Variants in NCAM2 observed in about 807,000 individuals in gnomAD.
NCAM2 encodes the protein neural cell adhesion molecule 2.
Under a neutral mutation model 98.1 loss-of-function variants are expected in NCAM2, and 30 were observed. The ratio of observed to expected loss-of-function variants is 0.31; its 90% CI spans 0.23 to 0.41. The LOEUF (loss-of-function observed/expected upper bound fraction) is 0.41. Ranked by LOEUF, NCAM2 falls within the 10% of genes least tolerant of loss-of-function variation. The probability of loss-of-function intolerance (pLI) is 1.00; values close to 1 mark genes in which losing one functional copy is unlikely to be tolerated. For synonymous variants in NCAM2, 368 were observed against 342.4 expected (o/e 1.07, Z -0.83); for missense variants, 867 against 1,005.8 (o/e 0.86, Z 1.87).
chr21:21,044,148 C>T (rs1484464563), intron 1 of NCAM2, among the ~76,000 whole-genome samples: 2 of 151,954 alleles, frequency 1.3e-5, no homozygotes, highest in African/African-American at 4.8e-5. Flanking sequence ...GTCAATATAT[C>T]CTAAGGGTAT....
chr21:21,092,004 G>A (rs2066022871), intron 1 of NCAM2, among the ~76,000 whole-genome samples: 3 of 151,964 alleles, frequency 2.0e-5, no homozygotes, highest in Non-Finnish European at 4.4e-5. Flanking sequence ...CAAAGTTGGT[G>A]CTTAATAAAT....
At chr21:21,061,800 TA>T (rs1489216513) in intron 1 of NCAM2, among the ~76,000 whole-genome samples, 2 of 152,180 alleles carry the variant, frequency 1.3e-5, no homozygotes, top group Non-Finnish European at 2.9e-5. Context: ...TTAGTTATAT[TA>T]ATCTATTAAA....
intron 12 of NCAM2, among the ~76,000 whole-genome samples, chr21:21,461,104 A>T (rs1982908119): frequency 6.6e-6 from 1 of 151,890 alleles, no homozygotes; most frequent in Non-Finnish European, 1.5e-5. Context: ...CTATAGAAGG[A>T]AATGTTTAGT....
intron 10 of NCAM2, among the ~76,000 whole-genome samples, chr21:21,411,149 C>CACAT (rs1569033847): frequency 2.7e-4 from 19 of 71,372 alleles, no homozygotes; most frequent in Non-Finnish European, 5.4e-4. Context: ...TATATATATA[C>CACAT]ATATATATAT....
intron 1 of NCAM2, among the ~76,000 whole-genome samples, chr21:21,146,595 A>G (rs957976763): frequency 4.7e-5 from 7 of 147,760 alleles, no homozygotes; most frequent in African/African-American, 7.5e-5. Flanking sequence ...AAATACGTGT[A>G]TGTGTGTGTG....
At chr21:21,263,230 A>T (rs2071991213) in intron 1 of NCAM2, among the ~76,000 whole-genome samples, 1 of 152,122 alleles carries the variant, frequency 6.6e-6, no homozygotes, top group Admixed American at 6.6e-5. Context: ...CAGAGAATCA[A>T]ATCAAGAGCT....
At chr21:21,100,066 C>G (rs2066208958) in intron 1 of NCAM2, among the ~76,000 whole-genome samples, 1 of 151,796 alleles carries the variant, frequency 6.6e-6, no homozygotes, top group Admixed American at 6.6e-5. Context: ...AGGAAAAGGC[C>G]TACATAGCCA....
chr21:21,097,166 A>C (rs1442726936), intron 1 of NCAM2, among the ~76,000 whole-genome samples: 1 of 151,782 alleles, frequency 6.6e-6, no homozygotes, highest in Non-Finnish European at 1.5e-5. Flanking sequence ...TCCCTTCTGC[A>C]CGTGAATTGA....
chr21:21,330,328 G>A lies in NCAM2; in HGVS notation c.738-5177G>A, dbSNP rs1602000117. On this transcript the variant is annotated intron_variant, in intron 6 of 17. Coordinates refer to ENST00000400546, the MANE Select transcript of NCAM2 (RefSeq NM_004540.5). ...AATTGCACCCTGCTAATTTTGATAT[G>A]TCATATTTCCAATTTGGAGGGGTTT... 7.9e-5 allele frequency among the ~76,000 whole-genome samples: 12 copies of A among 151,942 alleles called. 1 individual carries two copies. The South Asian group carries it at 2.5e-3, about 32-fold the overall frequency.
intron 1 of NCAM2, among the ~76,000 whole-genome samples, chr21:21,146,703 C>A (rs1289872004): frequency 1.3e-5 from 2 of 151,872 alleles, no homozygotes; most frequent in African/African-American, 2.4e-5. Context: ...TTAATACCTT[C>A]GCAAGATTTC....
chr21:21,194,618 G>T (rs2068941075), intron 1 of NCAM2, among the ~76,000 whole-genome samples: 1 of 152,008 alleles, frequency 6.6e-6, no homozygotes, highest in Non-Finnish European at 1.5e-5. Context: ...TACAAAATTG[G>T]CAGCTATGGT....
At chr21:21,291,209 T>A (rs1350756283) in intron 4 of NCAM2, among the ~76,000 whole-genome samples, 2 of 151,822 alleles carry the variant, frequency 1.3e-5, no homozygotes, top group Admixed American at 1.3e-4. Context: ...GTCAATGAGA[T>A]CTATGGATGT....
At chr21:21,466,825 A>G in intron 13 of NCAM2, 100 bp downstream of exon 13, 1 of 1,211,476 alleles carries the variant, frequency 8.3e-7, no homozygotes, top group Non-Finnish European at 1.2e-6. Context: ...CACTTTTGAG[A>G]CATGAATTAT....
intron 1 of NCAM2, among the ~76,000 whole-genome samples, chr21:21,015,450 A>G (rs978792913): frequency 1.3e-5 from 2 of 152,216 alleles, no homozygotes; most frequent in African/African-American, 4.8e-5. Flanking sequence ...CTAAAGGATT[A>G]GGACCCACTG....
rs1473204018 is a variant in NCAM2 at position 21,433,624 on chromosome 21, A to T, written c.1654+1343A>T. 4.6e-5 allele frequency among the ~76,000 whole-genome samples: 7 copies of T among 151,018 alleles called. No homozygotes were observed. The South Asian group carries it at 6.3e-4, about 14-fold the overall frequency. On this transcript the variant is annotated intron_variant, in intron 12 of 17. Transcript: ENST00000400546. Reference sequence around the variant, plus strand: ...CGGATGTGGTGGCAGGCACCTGTAGACCCAGCTACTCGGGAGGCTGAGGCA... The same window carrying T: ...CGGATGTGGTGGCAGGCACCTGTAGTCCCAGCTACTCGGGAGGCTGAGGCA...
chr21:21,124,474 T>G (rs964959353), intron 1 of NCAM2, among the ~76,000 whole-genome samples: 3 of 152,118 alleles, frequency 2.0e-5, no homozygotes, highest in African/African-American at 7.2e-5. Context: ...AATAGTAAAC[T>G]TAGGTCAGCT....
intron 1 of NCAM2, among the ~76,000 whole-genome samples, chr21:21,144,674 A>C (rs1402495880): frequency 6.6e-6 from 1 of 152,072 alleles, no homozygotes; most frequent in Non-Finnish European, 1.5e-5. Flanking sequence ...AATACAAGAG[A>C]AATCCTCACC....
chr21:21,359,676 C>A (rs908341815), intron 8 of NCAM2, among the ~76,000 whole-genome samples: 1 of 151,746 alleles, frequency 6.6e-6, no homozygotes, highest in Non-Finnish European at 1.5e-5. Flanking sequence ...GGCTTTGCAG[C>A]AAAACATATA....
intron 8 of NCAM2, among the ~76,000 whole-genome samples, chr21:21,350,770 G>A (rs905373200): frequency 6.6e-6 from 1 of 151,954 alleles, no homozygotes; most frequent in Admixed American, 6.6e-5. Context: ...ACATATAAGC[G>A]TATCTATTTT....
Sources: allele counts gnomAD v4.1 joint callset (sites outside exome capture counted in the v4.1 genomes callset), GRCh38; gene constraint gnomAD v4.1.1; transcripts MANE v1.5; gene names NCBI Gene and HGNC (gene_info 2026-07-23, HGNC 2026-07-21).